The following CAST variants were observed in gnomAD, a reference collection of about 807,000 sequenced individuals.
The protein encoded by CAST is calpastatin, also known as MIR583 host.
Under a neutral mutation model 119.6 loss-of-function variants are expected in CAST, and 76 were observed. The ratio of observed to expected loss-of-function variants is 0.64; its 90% CI spans 0.53 to 0.77. CAST has a LOEUF of 0.77. Ranked by LOEUF, CAST falls within the 30% of genes least tolerant of loss-of-function variation. The pLI is 0.00. For synonymous variants in CAST, 319 were observed against 331.6 expected (o/e 0.96, Z 0.41); for missense variants, 953 against 946.5 (o/e 1.01, Z -0.09).
At chr5:96,436,644 G>A in the CAST span, among the ~76,000 whole-genome samples, 15 of 152,040 alleles carry the variant, frequency 9.9e-5, no homozygotes, top group African/African-American at 3.6e-4. Flanking sequence ...ATATGAAAAT[G>A]CCTATAGATT....
the CAST span, among the ~76,000 whole-genome samples, chr5:96,168,570 G>T: frequency 2.6e-5 from 4 of 152,266 alleles, no homozygotes; most frequent in Admixed American, 2.6e-4. Flanking sequence ...TGATAGATGT[G>T]GAAGATACTA....
the CAST span, among the ~76,000 whole-genome samples, chr5:96,057,665 T>G: frequency 6.6e-6 from 1 of 152,210 alleles, no homozygotes; most frequent in African/African-American, 2.4e-5. Flanking sequence ...TGACATCTGC[T>G]AGTGACACTG....
intron 20 of CAST, among the ~76,000 whole-genome samples, chr5:96,752,914 A>G (rs148764718): frequency 6.6e-6 from 1 of 151,774 alleles, no homozygotes; most frequent in East Asian, 1.9e-4. Context: ...ACTGGAAGCA[A>G]CAGTTTAAAG....
At chr5:96,115,269 T>C in the CAST span, among the ~76,000 whole-genome samples, 2 of 152,228 alleles carry the variant, frequency 1.3e-5, no homozygotes, top group Admixed American at 6.5e-5. Flanking sequence ...TATGTTGTTA[T>C]TCGTTCTCTT....
chr5:96,461,222 C>T, the CAST span, among the ~76,000 whole-genome samples: 2 of 152,100 alleles, frequency 1.3e-5, no homozygotes, highest in African/African-American at 4.8e-5. Flanking sequence ...GAATAATGTC[C>T]ATTTTATGGA....
chr5:96,463,815 C>G, the CAST span, among the ~76,000 whole-genome samples: 3 of 152,048 alleles, frequency 2.0e-5, no homozygotes, highest in Non-Finnish European at 4.4e-5. Context: ...TTCTCTTCCC[C>G]TTTATCTTTC....
intron 1 of CAST, 94 bp downstream of exon 1, chr5:96,662,591 G>C: frequency 7.8e-7 from 1 of 1,287,278 alleles, no homozygotes; most frequent in Non-Finnish European, 9.8e-7. Flanking sequence ...CCAGGCTGGC[G>C]GGTCTGCAGT....
chr5:96,238,598 C>T, the CAST span, among the ~76,000 whole-genome samples: 1 of 149,716 alleles, frequency 6.7e-6, no homozygotes, highest in African/African-American at 2.5e-5. Flanking sequence ...TGGTGTTTCA[C>T]CACGTTGGCC....
the CAST span, among the ~76,000 whole-genome samples, chr5:96,132,020 T>G: frequency 5.3e-5 from 8 of 152,128 alleles, no homozygotes; most frequent in South Asian, 1.0e-3. Context: ...ATTTCAAAAC[T>G]GTTCAATTTC....
chr5:96,550,392 C>T (rs1746105844), intron 1 of CAST, among the ~76,000 whole-genome samples: 1 of 152,160 alleles, frequency 6.6e-6, no homozygotes, highest in African/African-American at 2.4e-5. Flanking sequence ...GACATCCACA[C>T]CAAAACCTCA....
the CAST span, among the ~76,000 whole-genome samples, chr5:96,105,780 G>C: frequency 9.2e-5 from 14 of 152,088 alleles, 1 homozygote; most frequent in African/African-American, 1.9e-4. Context: ...CCCTCTTTTT[G>C]TATTGATTGG....
At chr5:96,180,131 T>A in the CAST span, among the ~76,000 whole-genome samples, 3 of 152,184 alleles carry the variant, frequency 2.0e-5, no homozygotes, top group Non-Finnish European at 4.4e-5. Context: ...GGCCAGCTTT[T>A]CTCAAAGGTC....
At chr5:96,650,465 T>C (rs999709863) in intron 1 of CAST, among the ~76,000 whole-genome samples, 1 of 152,220 alleles carries the variant, frequency 6.6e-6, no homozygotes, top group Non-Finnish European at 1.5e-5. Flanking sequence ...TATTGAAGTA[T>C]AGCCTGTCTT....
At chr5:96,226,218 G>A in the CAST span, among the ~76,000 whole-genome samples, 10 of 152,142 alleles carry the variant, frequency 6.6e-5, no homozygotes, top group African/African-American at 2.4e-4. Context: ...TATAGACTGG[G>A]TGTCTTCCCT....
At chr5:96,245,920 A>G in the CAST span, among the ~76,000 whole-genome samples, 1 of 152,158 alleles carries the variant, frequency 6.6e-6, no homozygotes, top group Non-Finnish European at 1.5e-5. Flanking sequence ...CTGTGTGTTC[A>G]CAGCGCAGGA....
At chr5:96,622,861 T>TTTTTTC (rs1747644904) in intron 1 of CAST, among the ~76,000 whole-genome samples, 1 of 95,494 alleles carries the variant, frequency 1.0e-5, no homozygotes. Flanking sequence ...GGGACTCTTT[T>TTTTTTC]TTTTTTTTTT....
At chr5:96,746,975 C>CCG (rs1763888968) in intron 17 of CAST, among the ~76,000 whole-genome samples, 2 of 152,124 alleles carry the variant, frequency 1.3e-5, no homozygotes, top group Non-Finnish European at 2.9e-5. Flanking sequence ...AAAAACTAAA[C>CCG]AGTGTTATAG....
the CAST span, among the ~76,000 whole-genome samples, chr5:95,996,151 A>G: frequency 4.6e-5 from 7 of 152,260 alleles, no homozygotes; most frequent in Admixed American, 1.3e-4. Flanking sequence ...CGCACTGAGG[A>G]AGACTTTGAC....
the CAST span, among the ~76,000 whole-genome samples, chr5:96,432,643 A>T: frequency 6.6e-6 from 1 of 152,226 alleles, no homozygotes; most frequent in Non-Finnish European, 1.5e-5. Context: ...ACCCAGCTGC[A>T]GCGGCTTCCT....
Sources: gnomAD v4.1 joint callset for allele counts (sites outside exome capture counted in the v4.1 genomes callset) on GRCh38, gnomAD v4.1.1 for gene constraint, MANE v1.5 for transcripts, NCBI Gene and HGNC (gene_info 2026-07-23, HGNC 2026-07-21) for gene names.